ZFHX4: variants seen among roughly 807,000 people sequenced by gnomAD.
ZFHX4 encodes zinc finger homeobox 4.
A neutral mutation model predicts 267.6 loss-of-function variants in ZFHX4; 56 were observed. The observed-to-expected ratio is 0.21, with a 90% CI of 0.17 to 0.26. The LOEUF is 0.26. ZFHX4 is among the 10% of genes least tolerant of loss of function. The pLI is 1.00. For synonymous variants in ZFHX4, 1,778 were observed against 1,665.6 expected, an observed-to-expected ratio of 1.07 and a Z score of -1.64; for missense variants, 4,332 against 4,420.0, an observed-to-expected ratio of 0.98 and a Z score of 0.56.
At chr8:76,821,613 T>C (rs1811651402) in intron 4 of ZFHX4, among the ~76,000 whole-genome samples, 2 of 152,096 alleles carry the variant, frequency 1.3e-5, no homozygotes, top group South Asian at 2.1e-4. Flanking sequence ...TCTTCATTGG[T>C]GCTTCCTTGT....
At chr8:76,696,130 A>G (rs1294680322) in intron 1 of ZFHX4, among the ~76,000 whole-genome samples, 4 of 152,178 alleles carry the variant, frequency 2.6e-5, no homozygotes, top group South Asian at 4.1e-4. Context: ...TTTGCTACTT[A>G]AAGTATAAGA....
chr8:76,861,215 ACAT>A (rs150509701), intron 10 of ZFHX4, among the ~76,000 whole-genome samples: 7,599 of 152,162 alleles, frequency 0.05, 381 homozygotes, highest in East Asian at 0.18. Flanking sequence ...TGGAAATATA[ACAT>A]TATTTTCCAG....
chr8:76,692,579 G>A (rs544081985), intron 1 of ZFHX4, among the ~76,000 whole-genome samples: 1 of 152,078 alleles, frequency 6.6e-6, no homozygotes, highest in South Asian at 2.1e-4. Context: ...GTCCTTTATT[G>A]TTCTATAATA....
At chr8:76,755,291 T>C (rs1029352584) in intron 3 of ZFHX4, among the ~76,000 whole-genome samples, 4 of 152,208 alleles carry the variant, frequency 2.6e-5, no homozygotes, top group African/African-American at 9.6e-5. Context: ...GGTAACTTAA[T>C]TTAGGGGATC....
At chr8:76,689,042 C>T (rs1807761162) in intron 1 of ZFHX4, among the ~76,000 whole-genome samples, 1 of 151,656 alleles carries the variant, frequency 6.6e-6, no homozygotes, top group African/African-American at 2.4e-5. Flanking sequence ...TTATATAGTC[C>T]CCCAAATTTT....
chr8:76,808,999 C>G lies in ZFHX4; in HGVS notation c.3326-24339C>G, dbSNP rs1811311588. On this transcript the variant is annotated intron_variant, in intron 4 of 10. Transcript: ENST00000651372. ...CCTTTAATACCAGGGTTGTTTTTTT[C>G]TGTTACATCCAGCCTCTTATCTAGT... is the stretch of plus-strand genomic sequence containing the variant. Among the ~76,000 whole-genome samples the G allele has an allele frequency of 1.3e-5, 2 of 151,428 alleles. 1 individual carries two copies. The highest frequency in any genetic ancestry group is 4.2e-4 in the South Asian group (2 of 4,788).
intron 4 of ZFHX4, among the ~76,000 whole-genome samples, chr8:76,795,552 T>C (rs1348054242): frequency 6.6e-6 from 1 of 150,938 alleles, no homozygotes; most frequent in Non-Finnish European, 1.5e-5. Flanking sequence ...TCTTTTTTTT[T>C]TTTTTTTTTT....
intron 4 of ZFHX4, among the ~76,000 whole-genome samples, chr8:76,822,969 C>T (rs1019412072): frequency 1.3e-5 from 2 of 152,106 alleles, no homozygotes; most frequent in Non-Finnish European, 2.9e-5. Flanking sequence ...AACCTCTCTA[C>T]TCAAATTCAT....
At position 76,707,554 on chromosome 8, in the gene ZFHX4, G is replaced by T; in HGVS notation, c.2599G>T (p.Glu867Ter). 1 of 1,572,854 alleles carries T rather than the reference G, an allele frequency of 6.4e-7. No individual in the cohort carries two copies. Among genetic ancestry groups the T allele is most frequent in the South Asian group, 1.2e-5 (1 of 85,758 alleles). Residue 867 changes from glutamate to a stop codon, truncating the protein, a stop_gained, in exon 3 of 11, where the codon GAG becomes TAG. Coordinates refer to ENST00000651372, the MANE Select transcript of ZFHX4 (RefSeq NM_024721.5). LOFTEE classifies it high-confidence loss of function. ...AALAPGLVNN[E>*]LPPEIRLASG... The stretch of plus-strand genomic sequence containing the variant: ...ATTTTTTTTTCCTGTAGTAAATAAT[G>T]AGCTGCCGCCTGAAATCCGGCTTGC...
chr8:76,709,578 A>G (rs766343421), intron 3 of ZFHX4, among the ~76,000 whole-genome samples: 8 of 152,166 alleles, frequency 5.3e-5, no homozygotes, highest in Non-Finnish European at 7.4e-5. Flanking sequence ...CCTGGGAGCT[A>G]TATAGAATAT....
chr8:76,852,349 C>G lies in ZFHX4; in HGVS notation c.5428C>G (p.Leu1810Val), dbSNP rs1812555848. Residue 1810 changes from leucine (L) to valine (V), a missense_variant, in exon 10 of 11, where the codon CTG (leucine) becomes GTG (valine). By Grantham distance (32) the Leu-to-Val change is conservative (BLOSUM62 1). This residue lies in a region of ZFHX4 where 1,371 missense variants were observed against 1,423.1 expected (regional missense o/e 0.96). Transcript: ENST00000651372. ...ACAATACCAAGCCACACAGCCCCAG[C>G]TGCAGCCTCAAAAACAACAGCAGCA... ...AQQYQATQPQ[L>V]QPQKQQQQPP... The G allele has an allele frequency of 6.4e-7, 1 of 1,553,364 alleles. No individual in the cohort carries two copies. The highest frequency in any genetic ancestry group is 1.4e-5 in the African/African-American group (1 of 73,208).
rs116881139 is a variant in ZFHX4 at position 76,714,980 on chromosome 8, T to A, written c.3093+6932T>A. 1.4e-3 allele frequency among the ~76,000 whole-genome samples: 211 copies of A among 152,314 alleles called. 6 individuals carry two copies. In the East Asian group the frequency reaches 0.037, roughly 27 times the overall value. ...GGCTGCATGTGAGTGGTCTTTTGAG[T>A]CATCAGTAGATGTAGTATAATGTCA... On this transcript the variant is annotated intron_variant, in intron 3 of 10. Transcript: ENST00000651372.
At chr8:76,699,514 C>T (rs1484767738) in intron 1 of ZFHX4, among the ~76,000 whole-genome samples, 1 of 152,066 alleles carries the variant, frequency 6.6e-6, no homozygotes, top group African/African-American at 2.4e-5. Flanking sequence ...ATGTATCTGA[C>T]GTAACTGGTA....
intron 1 of ZFHX4, among the ~76,000 whole-genome samples, chr8:76,692,703 C>A (rs938032421): frequency 1.3e-5 from 2 of 151,674 alleles, no homozygotes; most frequent in Non-Finnish European, 2.9e-5. Flanking sequence ...TTTTTTTAAT[C>A]TGTTTATTTT....
chr8:76,729,258 C>T (rs1395387214), intron 3 of ZFHX4, among the ~76,000 whole-genome samples: 1 of 152,030 alleles, frequency 6.6e-6, no homozygotes, highest in South Asian at 2.1e-4. Context: ...GGAGAAATAT[C>T]GTGTGTGCCT....
rs554205459 is a variant in ZFHX4 at position 76,681,530 on chromosome 8, C to T, written c.-137C>T. ...TTTTTGTTTTTTTAATGAACCCTCT[C>T]GTTTTACTTGGATGTGATCAGCTGT... On this transcript the variant is annotated 5_prime_UTR_variant, in exon 1 of 11. Coordinates refer to ENST00000651372, the MANE Select transcript of ZFHX4 (RefSeq NM_024721.5). The T allele has an allele frequency of 2.0e-5, 8 of 397,770 alleles. No homozygotes were observed. In the Admixed American group the frequency reaches 2.2e-4, roughly 11 times the overall value. The allele number at this position is 397,770 out of a possible 1,614,324, so 24.6% of individuals were successfully genotyped here. A position where few individuals can be genotyped will look rare whatever the true frequency, so the allele number is the denominator to read the frequency against.
At position 76,706,091 on chromosome 8, in the gene ZFHX4, C is replaced by T. The variant is rs1283489048; in HGVS notation, c.2003C>T (p.Pro668Leu). Residue 668 changes from proline (P) to leucine (L), a missense_variant, in exon 2 of 11, where the codon CCT becomes CTT. By Grantham distance (98) the Pro-to-Leu change is moderately conservative. Around this residue, in one of 7 missense-constraint regions of ZFHX4, gnomAD observed 1,195 missense variants for 1,173.6 expected, o/e 1.02. Coordinates refer to ENST00000651372, the MANE Select transcript of ZFHX4 (RefSeq NM_024721.5). ...TLEAHMKEKHPEPGGSCVYCK... is the reference protein window; with the variant it reads ...TLEAHMKEKHLEPGGSCVYCK... ...GAGGCCCATATGAAGGAGAAACACC[C>T]TGAGCCGGGTGGCTCTTGTGTTTAT... 1.2e-6 allele frequency: 2 copies of T among 1,613,654 alleles called. No individual in the cohort carries two copies. The highest frequency in any genetic ancestry group is 1.3e-5 in the African/African-American group (1 of 74,978).
rs773567914 is a variant in ZFHX4, at chr8:76,864,495, T to G, written c.10781T>G (p.Val3594Gly). 43 of 1,613,342 alleles carry G rather than the reference T, an allele frequency of 2.7e-5. No homozygotes were observed. The highest frequency in any genetic ancestry group is 3.2e-5 in the Non-Finnish European group (38 of 1,179,752). Residue 3594 changes from valine (V) to glycine (G), a missense_variant, in exon 11 of 11, where the codon GTG (valine) becomes GGG (glycine). Physicochemically the swap from Val to Gly is moderately radical, Grantham distance 109. Coordinates refer to ENST00000651372, the MANE Select transcript of ZFHX4 (RefSeq NM_024721.5). The stretch of plus-strand genomic sequence containing the variant: ...GAAGACTTAGATAATTCTTTGGAAG[T>G]GAAGGCTAAGCCTGCTTCTGGCCTA... ...KLEDLDNSLE[V>G]KAKPASGLDG...
chr8:76,733,614 T>A (rs1585892506), intron 3 of ZFHX4: 1 of 152,230 alleles, frequency 6.6e-6, no homozygotes, highest in East Asian at 1.9e-4. Context: ...GAAAACATAT[T>A]CATTTACTTT....
Sources: allele counts gnomAD v4.1 joint callset (sites outside exome capture counted in the v4.1 genomes callset), GRCh38; gene constraint gnomAD v4.1.1; regional missense constraint gnomAD v4.1.1; transcripts MANE v1.5; gene names NCBI Gene and HGNC (gene_info 2026-07-23, HGNC 2026-07-21).